Variants in UBAP1L observed in about 807,000 individuals in gnomAD.
UBAP1L encodes ubiquitin associated protein 1 like.
In UBAP1L, 32 loss-of-function variants were observed where a neutral mutation model predicts 32.1. The observed-to-expected ratio is 1.00, with a 90% confidence interval of 0.75 to 1.34. The LOEUF (loss-of-function observed/expected upper bound fraction) is 1.34, where lower values mean the gene tolerates loss of function less well. Ranked by LOEUF, UBAP1L falls within the 40% of genes most tolerant of loss-of-function variation. The probability of loss-of-function intolerance (pLI) is 0.00; values close to 1 mark genes in which losing one functional copy is unlikely to be tolerated. For missense variants in UBAP1L, 516 were observed against 540.5 expected, an observed-to-expected ratio of 0.95 and a Z score of 0.45; for synonymous variants, 243 against 250.2, an observed-to-expected ratio of 0.97 and a Z score of 0.27.
chr15:65,114,454 T>C (rs2087390260), intron 1 of UBAP1L, among the ~76,000 whole-genome samples: 1 of 152,180 alleles, frequency 6.6e-6, no homozygotes, highest in Non-Finnish European at 1.5e-5. Context: ...TTAGGGAGTA[T>C]TTGGCATTTT....
chr15:65,102,262 G>A lies in UBAP1L; in HGVS notation c.543C>T (p.His181=). ...GGCTCGGGCACAGGCTCAGCGCGCGGTGGCCGCGGAGGCCATGCAGGAGGG... is the reference window on the plus strand; with the variant it reads ...GGCTCGGGCACAGGCTCAGCGCGCGATGGCCGCGGAGGCCATGCAGGAGGG... ...PRALLHGLRG[H]RALSLCPSPA... is the part of the protein sequence containing the mutation. Residue 181 remains histidine, a synonymous_variant, in exon 3 of 6, where the codon CAC becomes CAT. Coordinates refer to ENST00000559089, the MANE Select transcript of UBAP1L (RefSeq NM_001163692.2). The surrounding 1 kb of genome is among the most constrained non-coding windows in gnomAD (Gnocchi z 5.0). 1.5e-6 allele frequency: 2 copies of A among 1,313,956 alleles called. No individual in the cohort carries two copies. Among genetic ancestry groups the A allele is most frequent in the Non-Finnish European group, 9.7e-7 (1 of 1,035,672 alleles). The allele number at this position is 1,313,956 out of a possible 1,614,324, so 81.4% of individuals were successfully genotyped here.
chr15:65,115,091 C>T (rs2087394059), intron 1 of UBAP1L, 59 bp downstream of exon 1: 2 of 152,208 alleles, frequency 1.3e-5, no homozygotes, highest in South Asian at 4.1e-4. Context: ...TGTTCACATT[C>T]CTTTCATATA....
Position 65,093,174 on chromosome 15 carries a change from G to T in UBAP1L, c.1069C>A (p.Arg357=). 6.5e-7 allele frequency: 1 copy of T among 1,550,144 alleles called. No homozygotes were observed. Among genetic ancestry groups the T allele is most frequent in the Non-Finnish European group, 8.7e-7 (1 of 1,146,734 alleles). ...TGGACCAGCAGCACCTCCTTGATCCGGTCCTGCTGGAAGCCCATGTCACTG... is the reference window on the plus strand; with the variant it reads ...TGGACCAGCAGCACCTCCTTGATCCTGTCCTGCTGGAAGCCCATGTCACTG... ...QFSDMGFQQD[R]IKEVLLVHGN... Residue 357 remains arginine, a synonymous_variant, in exon 6 of 6, where the codon CGG becomes AGG. Coordinates refer to ENST00000559089, the MANE Select transcript of UBAP1L (RefSeq NM_001163692.2).
In UBAP1L at chr15:65,106,204, G is replaced by A. The variant is rs774232337; in HGVS notation, c.12C>T (p.Leu4=). 1.0e-5 allele frequency: 16 copies of A among 1,545,488 alleles called. No homozygotes were observed. Among genetic ancestry groups the A allele is most frequent in the East Asian group, 2.5e-5 (1 of 40,654 alleles). The change falls in exon 2 of 6, where the codon CTC becomes CTT. Residue 4 remains leucine, a synonymous_variant. Coordinates refer to ENST00000559089, the MANE Select transcript of UBAP1L (RefSeq NM_001163692.2). The part of the protein sequence containing the change: MNA[L]DGVPFKLPKG... The stretch of plus-strand genomic sequence containing the variant: ...TGGGCAACTTGAAAGGAACACCATC[G>A]AGGGCATTCATTCTGTCAGGAGTGT...
chr15:65,104,433 T>C (rs1433599186), intron 2 of UBAP1L, among the ~76,000 whole-genome samples: 3 of 152,256 alleles, frequency 2.0e-5, no homozygotes, highest in Non-Finnish European at 4.4e-5. Context: ...TATTAAAATA[T>C]AGAAGTTCAA....
rs1342521416 is a variant in UBAP1L, at chr15:65,099,718, A to T, written c.700-4T>A. ...GACAGGTGTACGGGCTGAGGGACTGAAATACAGACAGACTGGACATGTCAG... is the reference window on the plus strand; with the variant it reads ...GACAGGTGTACGGGCTGAGGGACTGTAATACAGACAGACTGGACATGTCAG... On this transcript the variant is annotated splice_polypyrimidine_tract_variant and splice_region_variant and intron_variant, in intron 3 of 5. Transcript: ENST00000559089. 1 of 1,544,328 alleles carries T rather than the reference A, an allele frequency of 6.5e-7. No homozygotes were observed. Among genetic ancestry groups the T allele is most frequent in the Admixed American group, 2.0e-5 (1 of 50,688 alleles).
At chr15:65,109,559 A>G (rs1460099818) in intron 1 of UBAP1L, among the ~76,000 whole-genome samples, 1 of 152,038 alleles carries the variant, frequency 6.6e-6, no homozygotes, top group Admixed American at 6.6e-5. Flanking sequence ...ACAAAAACAA[A>G]TCACAGAGTG....
At chr15:65,105,974 T>C in intron 2 of UBAP1L, 122 bp downstream of exon 2, 5 of 1,379,242 alleles carry the variant, frequency 3.6e-6, no homozygotes, top group Non-Finnish European at 4.9e-6. Context: ...GTATTGTTAG[T>C]AGATACGGGG....
rs1043389640 is a variant in UBAP1L at position 65,102,526 on chromosome 15, T to G, written c.279A>C (p.Thr93=). 4.4e-5 allele frequency: 66 copies of G among 1,493,624 alleles called. No homozygotes were observed. Among genetic ancestry groups the G allele is most frequent in the Non-Finnish European group, 5.4e-5 (61 of 1,120,744 alleles). 92.5% of individuals were successfully genotyped at this position (1,493,624 alleles called of 1,614,324 possible). A position where few individuals can be genotyped will look rare whatever the true frequency, so the allele number is the denominator to read the frequency against. ...GGTGTCCGGCCTCCGGGTCTCTGATTGTGGTGGGCGCAGGCGCCAGCCCAT... is the reference window on the plus strand; with the variant it reads ...GGTGTCCGGCCTCCGGGTCTCTGATGGTGGTGGGCGCAGGCGCCAGCCCAT... The part of the protein sequence containing the change: ...PEHGLAPAPT[T]IRDPEAGHQE... The change falls in exon 3 of 6, where the codon ACA becomes ACC. Residue 93 remains threonine, a synonymous_variant. Transcript: ENST00000559089. The surrounding 1 kb of genome is among the most constrained non-coding windows in gnomAD (Gnocchi z 5.0).
chr15:65,106,733 T>C (rs1442150744), intron 1 of UBAP1L, among the ~76,000 whole-genome samples: 1 of 151,214 alleles, frequency 6.6e-6, no homozygotes, highest in Non-Finnish European at 1.5e-5. Context: ...CTCCAGCTCC[T>C]GGGTTCAAGT....
intron 1 of UBAP1L, among the ~76,000 whole-genome samples, chr15:65,110,010 A>G (rs1020861840): frequency 1.3e-5 from 2 of 152,328 alleles, no homozygotes; most frequent in Middle Eastern, 3.4e-3. Flanking sequence ...ACAGCCAGGA[A>G]TTTAATTTTT....
chr15:65,106,181 G>C lies in UBAP1L; in HGVS notation c.35C>G (p.Pro12Arg), dbSNP rs2140567997. The C allele has an allele frequency of 3.2e-6, 5 of 1,549,198 alleles. No individual in the cohort carries two copies. Among genetic ancestry groups the C allele is most frequent in the Non-Finnish European group, 4.4e-6 (5 of 1,146,360 alleles). Reference protein sequence around the residue: ...NALDGVPFKLPKGFVIGTEPL... With the variant: ...NALDGVPFKLRKGFVIGTEPL... Reference sequence around the variant, plus strand: ...CTCTGTGCCTATCACAAAGCCCTTGGGCAACTTGAAAGGAACACCATCGAG... The same window carrying C: ...CTCTGTGCCTATCACAAAGCCCTTGCGCAACTTGAAAGGAACACCATCGAG... The change falls in exon 2 of 6, where the codon CCC (proline) becomes CGC (arginine). Residue 12 changes from proline (P) to arginine (R), a missense_variant. Pro to Arg is a moderately radical substitution (Grantham distance 103, BLOSUM62 -2). Coordinates refer to ENST00000559089, the MANE Select transcript of UBAP1L (RefSeq NM_001163692.2).
chr15:65,094,453 C>T lies in UBAP1L; in HGVS notation c.1011+22G>A. ...CCCCATCCCTTCCATCCCCTGGGGC[C>T]CTGGCAGGAAGCCCTGCTGACCTGG... On this transcript the variant is annotated intron_variant, in intron 5 of 5. Transcript: ENST00000559089. This position sits in a 1 kb window ranked among gnomAD's most constrained non-coding sequence, Gnocchi z 4.2. 1 of 1,530,412 alleles carries T rather than the reference C, an allele frequency of 6.5e-7. No homozygotes were observed. The highest frequency in any genetic ancestry group is 8.8e-7 in the Non-Finnish European group (1 of 1,131,496). 94.8% of individuals were successfully genotyped at this position (1,530,412 alleles called of 1,614,324 possible).
In UBAP1L at chr15:65,102,393, G is replaced by A; in HGVS notation, c.412C>T (p.Pro138Ser). 7.0e-7 allele frequency: 1 copy of A among 1,438,590 alleles called. No individual in the cohort carries two copies. The highest frequency in any genetic ancestry group is 1.4e-5 in the South Asian group (1 of 69,992). The allele number at this position is 1,438,590 out of a possible 1,614,324, so 89.1% of individuals were successfully genotyped here. ...TCCAGCGAGCACAGGCGACGGCCGGGGCCGGGGCTCGCCGGGGAGCCCGGT... is the reference window on the plus strand; with the variant it reads ...TCCAGCGAGCACAGGCGACGGCCGGAGCCGGGGCTCGCCGGGGAGCCCGGT... ...LQPGSPASPG[P>S]GRRLCSLDVL... The change falls in exon 3 of 6, where the codon CCC (proline) becomes TCC (serine). Residue 138 changes from proline (P) to serine (S), a missense_variant. Pro to Ser is a moderately conservative substitution (Grantham distance 74). Coordinates refer to ENST00000559089, the MANE Select transcript of UBAP1L (RefSeq NM_001163692.2). The surrounding 1 kb of genome is among the most constrained non-coding windows in gnomAD (Gnocchi z 5.0).
Position 65,102,802 on chromosome 15 carries a change from G to T in UBAP1L, c.121-118C>A. Reference sequence around the variant, plus strand: ...GACTCTCTAAGCCTGGACAGCGTCAGATTCTGAGCCCCGGGCTTCCATCAC... The same window carrying T: ...GACTCTCTAAGCCTGGACAGCGTCATATTCTGAGCCCCGGGCTTCCATCAC... On this transcript the variant is annotated intron_variant, in intron 2 of 5. Transcript: ENST00000559089. The surrounding 1 kb of genome is among the most constrained non-coding windows in gnomAD (Gnocchi z 5.0). 1 of 938,044 alleles carries T rather than the reference G, an allele frequency of 1.1e-6. No individual in the cohort carries two copies. The highest frequency in any genetic ancestry group is 1.5e-6 in the Non-Finnish European group (1 of 657,836). The allele number at this position is 938,044 out of a possible 1,614,324, so 58.1% of individuals were successfully genotyped here. A position where few individuals can be genotyped will look rare whatever the true frequency, so the allele number is the denominator to read the frequency against.
Position 65,111,307 on chromosome 15 carries a change from A to G in UBAP1L, c.-174+3843T>C, listed in dbSNP as rs1017462230. Among the ~76,000 whole-genome samples, 5 of 152,288 alleles carry G rather than the reference A, an allele frequency of 3.3e-5. No homozygotes were observed. In the South Asian group the frequency reaches 1.0e-3, roughly 32 times the overall value. ...TTTATTATTCACATTTTCAGGTATCATCTGAATTTTGAGCTATCTCCAAGG... is the reference window on the plus strand; with the variant it reads ...TTTATTATTCACATTTTCAGGTATCGTCTGAATTTTGAGCTATCTCCAAGG... On this transcript the variant is annotated intron_variant, in intron 1 of 5. Transcript: ENST00000559089.
At chr15:65,093,264 G>A in intron 5 of UBAP1L, 33 bp from the exon 6 acceptor site, 5 of 1,512,390 alleles carry the variant, frequency 3.3e-6, no homozygotes, top group Non-Finnish European at 4.4e-6. Context: ...GGTGCTGGGG[G>A]CTCTGCTGGG....
intron 3 of UBAP1L, 35 bp from the exon 4 acceptor site, chr15:65,099,749 A>G: frequency 1.3e-6 from 2 of 1,494,308 alleles, no homozygotes; most frequent in Non-Finnish European, 1.8e-6. Flanking sequence ...GTCAGTTACT[A>G]CAGGAAGTGA....
At chr15:65,098,009 A>C (rs939601776) in intron 4 of UBAP1L, 1 of 152,266 alleles carries the variant, frequency 6.6e-6, no homozygotes, top group Non-Finnish European at 1.5e-5. Flanking sequence ...CCATCAAACC[A>C]TGAAGAGTCC....
Sources: gnomAD v4.1 joint callset for allele counts (sites outside exome capture counted in the v4.1 genomes callset) on GRCh38, gnomAD v4.1.1 for gene constraint, Gnocchi (gnomAD v3.1) non-coding constraint, MANE v1.5 for transcripts, NCBI Gene and HGNC (gene_info 2026-07-23, HGNC 2026-07-21) for gene names.